EPG5: variants seen among roughly 807,000 people sequenced by gnomAD.
EPG5 encodes the protein ectopic P granules protein 5 homolog.
In EPG5, 159 loss-of-function variants were observed where a neutral mutation model predicts 302.7. The observed-to-expected ratio is 0.53, with a 90% CI of 0.46 to 0.60. EPG5 has a LOEUF of 0.60. EPG5 is among the 20% of genes least tolerant of loss of function. The probability of loss-of-function intolerance (pLI) is 0.00; values close to 1 mark genes in which losing one functional copy is unlikely to be tolerated. For missense variants in EPG5, 2,896 were observed against 3,092.4 expected, an observed-to-expected ratio of 0.94 and a Z score of 1.51; for synonymous variants, 1,158 against 1,136.8, an observed-to-expected ratio of 1.02 and a Z score of -0.37.
chr18:45,940,137 C>T (rs1386475790), intron 9 of EPG5, among the ~76,000 whole-genome samples: 2 of 152,162 alleles, frequency 1.3e-5, no homozygotes, highest in Non-Finnish European at 2.9e-5. Flanking sequence ...GTCTGGAAAA[C>T]AGTGAGGAAT....
In EPG5 at chr18:45,967,159, G is replaced by A. The variant is rs555802868; in HGVS notation, c.63+18C>T. Reference sequence around the variant, plus strand: ...CAGCACACTGCCAGAGCCTCGGGAGGGTGGGGGAGATCCTCACCTTTGTTT... The same window carrying A: ...CAGCACACTGCCAGAGCCTCGGGAGAGTGGGGGAGATCCTCACCTTTGTTT... On this transcript the variant is annotated intron_variant, in intron 1 of 43. Transcript: ENST00000282041. 136 of 1,436,932 alleles carry A rather than the reference G, an allele frequency of 9.5e-5. 2 individuals carry two copies. The South Asian group carries it at 1.5e-3, about 15-fold the overall frequency. The allele number at this position is 1,436,932 out of a possible 1,614,324, so 89.0% of individuals were successfully genotyped here. A position where few individuals can be genotyped will look rare whatever the true frequency, so the allele number is the denominator to read the frequency against.
chr18:45,893,431 G>A (rs892531881), intron 27 of EPG5, among the ~76,000 whole-genome samples: 1 of 151,988 alleles, frequency 6.6e-6, no homozygotes, highest in Non-Finnish European at 1.5e-5. Context: ...TGGGCATGGT[G>A]TTGTGACCCT....
At chr18:45,903,219 A>G (rs1466298493) in intron 25 of EPG5, among the ~76,000 whole-genome samples, 1 of 152,018 alleles carries the variant, frequency 6.6e-6, no homozygotes, top group African/African-American at 2.4e-5. Flanking sequence ...ATATCATTTA[A>G]TATTTAAAAT....
At chr18:45,911,129 A>AT (rs61542429) in intron 22 of EPG5, among the ~76,000 whole-genome samples, 2,649 of 146,720 alleles carry the variant, frequency 0.018, 97 homozygotes, top group African/African-American at 0.063. Flanking sequence ...ATATATATAC[A>AT]TTTTTTTTTT....
At chr18:45,808,217 G>A in the EPG5 span, among the ~76,000 whole-genome samples, 2 of 152,102 alleles carry the variant, frequency 1.3e-5, no homozygotes, top group Non-Finnish European at 2.9e-5. Flanking sequence ...AAGCCTCCAA[G>A]CAGTCTGGGA....
At chr18:45,853,633 C>A (rs2145155524) in intron 43 of EPG5, among the ~76,000 whole-genome samples, 1 of 152,248 alleles carries the variant, frequency 6.6e-6, no homozygotes, top group African/African-American at 2.4e-5. Context: ...ATGGAATGTG[C>A]TTGATTCAAA....
the EPG5 span, chr18:45,837,796 C>A: frequency 2.6e-6 from 4 of 1,525,026 alleles, no homozygotes; most frequent in Admixed American, 3.9e-5. Context: ...TCGAGCGCCT[C>A]GCCCTGGCTG....
intron 9 of EPG5, among the ~76,000 whole-genome samples, chr18:45,942,528 A>G (rs1178108517): frequency 6.6e-6 from 1 of 151,870 alleles, no homozygotes; most frequent in African/African-American, 2.4e-5. Context: ...GCTTGAACCC[A>G]GGAGGCGTGG....
chr18:45,841,594 G>A, the EPG5 span, among the ~76,000 whole-genome samples: 4 of 152,246 alleles, frequency 2.6e-5, no homozygotes, highest in East Asian at 5.8e-4. Flanking sequence ...GTGGGTAGAC[G>A]GGAGGCAGGG....
rs966182426 is a variant in EPG5, at chr18:45,955,358, T to C, written c.64-20A>G. 8 of 1,448,086 alleles carry C rather than the reference T, an allele frequency of 5.5e-6. No individual in the cohort carries two copies. The highest frequency in any genetic ancestry group is 6.5e-6 in the Non-Finnish European group (7 of 1,077,886). 89.7% of individuals were successfully genotyped at this position (1,448,086 alleles called of 1,614,324 possible). ...CTTTTCCTAAAAACAACATACATAA[T>C]GTGAAATAATTTATCACAATAATTA... On this transcript the variant is annotated intron_variant, in intron 1 of 43. Transcript: ENST00000282041.
At chr18:45,862,297 C>A (rs1240018292) in intron 39 of EPG5, among the ~76,000 whole-genome samples, 1 of 152,142 alleles carries the variant, frequency 6.6e-6, no homozygotes, top group South Asian at 2.1e-4. Flanking sequence ...ATTTCCTCCC[C>A]TCTACTGTCT....
At position 45,848,636 on chromosome 18, in the gene EPG5, T is replaced by C. The variant is rs2048386235; in HGVS notation, c.*3831A>G. ...TTGGCACCTGCAAGCAAGCACCAAC[T>C]TAAATGTATGCCCCAGGTGCCTCAT... On this transcript the variant is annotated 3_prime_UTR_variant, in exon 44 of 44. Coordinates refer to ENST00000282041, the MANE Select transcript of EPG5 (RefSeq NM_020964.3). 1 of 152,284 alleles carries C rather than the reference T, an allele frequency of 6.6e-6. No homozygotes were observed. Among genetic ancestry groups the C allele is most frequent in the Admixed American group, 6.5e-5 (1 of 15,290 alleles). 9.4% of individuals were successfully genotyped at this position (152,284 alleles called of 1,614,324 possible).
chr18:45,890,360 C>A (rs1006466135), intron 27 of EPG5, among the ~76,000 whole-genome samples: 1 of 152,072 alleles, frequency 6.6e-6, no homozygotes, highest in Admixed American at 6.6e-5. Context: ...ATGCTGCTCA[C>A]AAATGTCGTT....
At chr18:45,862,767 A>T (rs2048663356) in intron 39 of EPG5, among the ~76,000 whole-genome samples, 1 of 152,168 alleles carries the variant, frequency 6.6e-6, no homozygotes, top group Non-Finnish European at 1.5e-5. Flanking sequence ...AAGCCAATTA[A>T]ACCTGTTTTC....
At chr18:45,840,355 C>T in the EPG5 span, 1 of 1,237,020 alleles carries the variant, frequency 8.1e-7, no homozygotes, top group African/African-American at 1.5e-5. Flanking sequence ...TGGGGTCCTA[C>T]TTTGACCAGG....
At position 45,884,126 on chromosome 18, in the gene EPG5, G is replaced by T. The variant is rs777310958; in HGVS notation, c.5304+491C>A. 6.3e-4 allele frequency among the ~76,000 whole-genome samples: 96 copies of T among 151,974 alleles called. No individual in the cohort carries two copies. In the Middle Eastern group the frequency reaches 0.01, roughly 16 times the overall value. On this transcript the variant is annotated intron_variant, in intron 30 of 43. Coordinates refer to ENST00000282041, the MANE Select transcript of EPG5 (RefSeq NM_020964.3). ...AAACTGTATTAAGTTTTTAAAAAGG[G>T]GTGGGAATTAGGTCCTTTTTACACT...
intron 24 of EPG5, among the ~76,000 whole-genome samples, chr18:45,907,521 G>GC (rs754596944): frequency 3.3e-5 from 5 of 152,080 alleles, no homozygotes; most frequent in Non-Finnish European, 7.4e-5. Flanking sequence ...GCACCTCCAA[G>GC]CCAAACAAAG....
At chr18:45,948,965 G>A (rs1057058320) in intron 5 of EPG5, among the ~76,000 whole-genome samples, 2 of 152,214 alleles carry the variant, frequency 1.3e-5, no homozygotes, top group African/African-American at 4.8e-5. Flanking sequence ...TTTGGCTCCT[G>A]CAAATTCTAA....
chr18:45,855,499 C>CT, intron 43 of EPG5, 74 bp downstream of exon 43: 3 of 1,025,008 alleles, frequency 2.9e-6, no homozygotes, highest in Non-Finnish European at 4.6e-6. Context: ...CGCGCACAGG[C>CT]TACGGCTGCC....
Sources: allele counts gnomAD v4.1 joint callset (sites outside exome capture counted in the v4.1 genomes callset), GRCh38; gene constraint gnomAD v4.1.1; transcripts MANE v1.5; gene names NCBI Gene and HGNC (gene_info 2026-07-23, HGNC 2026-07-21).